The following KNTC1 variants were observed in gnomAD, a reference collection of about 807,000 sequenced individuals.
KNTC1 encodes kinetochore-associated protein 1.
KNTC1 carries 253 observed loss-of-function variants against 314.4 expected under a neutral mutation model. The observed-to-expected ratio is 0.80, with a 90% confidence interval of 0.73 to 0.89. The LOEUF is 0.89. Among genes scored for constraint, KNTC1 ranks in the 40% least tolerant of loss-of-function variants. The pLI is 0.00. For synonymous variants in KNTC1, 901 were observed against 901.4 expected (o/e 1.00, Z 0.01); for missense variants, 2,475 against 2,572.9 (o/e 0.96, Z 0.82).
At chr12:122,539,345 TG>T (rs1175425197) in intron 4 of KNTC1, among the ~76,000 whole-genome samples, 1 of 152,160 alleles carries the variant, frequency 6.6e-6, no homozygotes, top group African/African-American at 2.4e-5. Flanking sequence ...ATTAAAAAAA[TG>T]TTTTTTTGAA....
intron 43 of KNTC1, 27 bp downstream of exon 43, chr12:122,594,412 T>TTTGC: frequency 7.7e-7 from 1 of 1,290,324 alleles, no homozygotes; most frequent in Non-Finnish European, 1.1e-6. Context: ...TAACGGTATT[T>TTTGC]TTGCTGTTAA....
Position 122,613,134 on chromosome 12 carries a change from C to T in KNTC1, c.5645C>T (p.Thr1882Ile), listed in dbSNP as rs1387551839. The change falls in exon 54 of 64, where the codon ACT becomes ATT. Residue 1882 changes from threonine to isoleucine, a missense_variant. Transcript: ENST00000333479. Reference sequence around the variant, plus strand: ...CAGACATTAGGTATGCATCAGTTAACTTTTGCCCATAGAACTCGAGCTCTT... The same window carrying T: ...CAGACATTAGGTATGCATCAGTTAATTTTTGCCCATAGAACTCGAGCTCTT... ...TTTTLGMHQL[T>I]FAHRTRALQC... The T allele has an allele frequency of 6.2e-7, 1 of 1,612,570 alleles. No individual in the cohort carries two copies. The highest frequency in any genetic ancestry group is 8.5e-7 in the Non-Finnish European group (1 of 1,178,822).
In KNTC1 at chr12:122,551,330, C is replaced by T; in HGVS notation, c.1098C>T (p.Tyr366=). The change falls in exon 14 of 64, where the codon TAC becomes TAT. Residue 366 remains tyrosine (Y), a synonymous_variant. Coordinates refer to ENST00000333479, the MANE Select transcript of KNTC1 (RefSeq NM_014708.6). Reference sequence around the variant, plus strand: ...TTTTGTTATTGTAGGATACCATATACCTTTTAGAAGGAGTTTGCAAAAATG... The same window carrying T: ...TTTTGTTATTGTAGGATACCATATATCTTTTAGAAGGAGTTTGCAAAAATG... ...VQTGISTDTI[Y]LLEGVCKNDP... 2 of 1,576,584 alleles carry T rather than the reference C, an allele frequency of 1.3e-6. No homozygotes were observed. The highest frequency in any genetic ancestry group is 1.7e-6 in the Non-Finnish European group (2 of 1,151,176).
intron 57 of KNTC1, among the ~76,000 whole-genome samples, chr12:122,617,779 TATAAACTATAA>T (rs1873927444): frequency 6.6e-6 from 1 of 152,248 alleles, no homozygotes; most frequent in African/African-American, 2.4e-5. Flanking sequence ...TCATCTGGAA[TATAAACTATAA>T]ATGTACAGTT....
Position 122,547,916 on chromosome 12 carries a change from C to T in KNTC1, c.934C>T (p.Gln312Ter). ...EADSPSSVTW[Q>*]GITNLKLIAL... ...TTTAAAGGTTCTTTTCTCTTTTAGG[C>T]AAGGAATTACAAATCTCAAATTAAT... Residue 312 changes from glutamine to a stop codon, truncating the protein, a stop_gained and splice_region_variant, in exon 12 of 64, where the codon CAA (glutamine) becomes TAA (stop). Transcript: ENST00000333479. LOFTEE classifies it high-confidence loss of function. 1 of 1,521,278 alleles carries T rather than the reference C, an allele frequency of 6.6e-7. No homozygotes were observed. Among genetic ancestry groups the T allele is most frequent in the Non-Finnish European group, 8.8e-7 (1 of 1,132,186 alleles). The allele number at this position is 1,521,278 out of a possible 1,614,324, so 94.2% of individuals were successfully genotyped here.
In KNTC1 at chr12:122,554,076, AAT is replaced by A. The variant is rs60404988; in HGVS notation, c.1272+2403_1272+2404del. Among the ~76,000 whole-genome samples the A allele has an allele frequency of 4.7e-3, 516 of 109,036 alleles. 11 individuals carry two copies. Among genetic ancestry groups the A allele is most frequent in the African/African-American group, 0.019 (492 of 25,702 alleles). The allele number at this position is 109,036 out of a possible 152,430, so 71.5% of individuals were successfully genotyped here. A position where few individuals can be genotyped will look rare whatever the true frequency, so the allele number is the denominator to read the frequency against. On this transcript the variant is annotated intron_variant, in intron 16 of 63. Coordinates refer to ENST00000333479, the MANE Select transcript of KNTC1 (RefSeq NM_014708.6). ...CAGAATACTTCCTTAAAAAAAAAAA[AAT>A]ATATATATATATATATATATATTTG...
At chr12:122,569,607 A>T (rs1299451419) in intron 21 of KNTC1, 74 bp from the exon 22 acceptor site, 1 of 1,350,862 alleles carries the variant, frequency 7.4e-7, no homozygotes. Context: ...ACTTCCTAAA[A>T]TATCTTTGTC....
chr12:122,601,541 T>A lies in KNTC1; in HGVS notation c.4569T>A (p.Asp1523Glu). Reference sequence around the variant, plus strand: ...ATATTTTTGTTTTTATACAGTTGGATCCTTATGACTATGAAATGATTGAAG... The same window carrying A: ...ATATTTTTGTTTTTATACAGTTGGAACCTTATGACTATGAAATGATTGAAG... ...ISLSGILHKL[D>E]PYDYEMIEVV... The change falls in exon 45 of 64, where the codon GAT becomes GAA. Residue 1523 changes from aspartate (D) to glutamate (E), a missense_variant. By Grantham distance (45) the Asp-to-Glu change is conservative. Transcript: ENST00000333479. 1 of 1,528,090 alleles carries A rather than the reference T, an allele frequency of 6.5e-7. No individual in the cohort carries two copies. Among genetic ancestry groups the A allele is most frequent in the Non-Finnish European group, 8.8e-7 (1 of 1,140,104 alleles). The allele number at this position is 1,528,090 out of a possible 1,614,324, so 94.7% of individuals were successfully genotyped here.
chr12:122,544,847 A>G (rs1355818225), intron 8 of KNTC1, among the ~76,000 whole-genome samples: 1 of 152,230 alleles, frequency 6.6e-6, no homozygotes, highest in African/African-American at 2.4e-5. Context: ...TCTTGAAATA[A>G]TTCAGGTTAA....
chr12:122,584,891 A>C lies in KNTC1; in HGVS notation c.3437-2A>C. ...TAATGATTTTTCTCCATTTTGTTTCAGATTTTTTACTAGATGCTTTAGAAC... is the reference window on the plus strand; with the variant it reads ...TAATGATTTTTCTCCATTTTGTTTCCGATTTTTTACTAGATGCTTTAGAAC... On this transcript the variant is annotated splice_acceptor_variant, in intron 35 of 63. Coordinates refer to ENST00000333479, the MANE Select transcript of KNTC1 (RefSeq NM_014708.6). LOFTEE classifies it high-confidence loss of function. 6.8e-7 allele frequency: 1 copy of C among 1,481,412 alleles called. No individual in the cohort carries two copies. The highest frequency in any genetic ancestry group is 9.4e-7 in the Non-Finnish European group (1 of 1,066,634). 91.8% of individuals were successfully genotyped at this position (1,481,412 alleles called of 1,614,324 possible).
At chr12:122,549,063 A>G (rs1402017247) in intron 12 of KNTC1, among the ~76,000 whole-genome samples, 2 of 152,246 alleles carry the variant, frequency 1.3e-5, no homozygotes, top group East Asian at 3.9e-4. Flanking sequence ...TTATTTATTT[A>G]TTTATTTAGA....
At chr12:122,600,005 C>T (rs761242663) in intron 44 of KNTC1, among the ~76,000 whole-genome samples, 5 of 151,914 alleles carry the variant, frequency 3.3e-5, no homozygotes, top group African/African-American at 4.8e-5. Context: ...GGTGACAGAG[C>T]GAGACTCTGT....
At chr12:122,539,181 G>A (rs989863990) in intron 4 of KNTC1, among the ~76,000 whole-genome samples, 1 of 152,174 alleles carries the variant, frequency 6.6e-6, no homozygotes, top group Non-Finnish European at 1.5e-5. Context: ...TCAGGAGCAG[G>A]CAGCTTTCTG....
Position 122,579,962 on chromosome 12 carries a change from T to A in KNTC1, c.2899T>A (p.Cys967Ser), listed in dbSNP as rs762808770. The change falls in exon 32 of 64, where the codon TGT (cysteine) becomes AGT (serine). Residue 967 changes from cysteine (C) to serine (S), a missense_variant. Coordinates refer to ENST00000333479, the MANE Select transcript of KNTC1 (RefSeq NM_014708.6). ...KTSVDILKIL[C>S]DIQKDNLQKK... ...ATCCGTGGACATTCTTAAGATACTA[T>A]GTGACATTCAGAAAGGTAGCTTTTA... 2.5e-6 allele frequency: 4 copies of A among 1,606,694 alleles called. No homozygotes were observed. In the African/African-American group the frequency reaches 5.3e-5, roughly 21 times the overall value.
chr12:122,618,943 CG>C (rs1874095208), intron 59 of KNTC1, among the ~76,000 whole-genome samples: 1 of 150,180 alleles, frequency 6.7e-6, no homozygotes, highest in Non-Finnish European at 1.5e-5. Context: ...CCACCACGCC[CG>C]GCTATTATTT....
At chr12:122,551,112 T>C (rs1235926242) in intron 13 of KNTC1, among the ~76,000 whole-genome samples, 2 of 151,684 alleles carry the variant, frequency 1.3e-5, no homozygotes, top group African/African-American at 4.9e-5. Context: ...ATTTTGAGTC[T>C]ATGGGATTTA....
At chr12:122,594,246 T>C in intron 42 of KNTC1, 30 bp from the exon 43 acceptor site, 1 of 1,300,686 alleles carries the variant, frequency 7.7e-7, no homozygotes, top group Non-Finnish European at 1.1e-6. Flanking sequence ...AGAGGGTTTT[T>C]TTGCTTTGTT....
intron 22 of KNTC1, 76 bp downstream of exon 22, chr12:122,569,900 CGTTAACACCA>C (rs571794531): frequency 3.9e-5 from 52 of 1,337,666 alleles, no homozygotes; most frequent in African/African-American, 1.0e-4. Context: ...AATTAAGTCA[CGTTAACACCA>C]GTTAACACCA....
chr12:122,625,128 G>A (rs913194888), intron 63 of KNTC1, among the ~76,000 whole-genome samples: 1 of 152,082 alleles, frequency 6.6e-6, no homozygotes, highest in Non-Finnish European at 1.5e-5. Context: ...AGTATGGCTG[G>A]GCACGGTGGC....
Sources: allele counts gnomAD v4.1 joint callset (sites outside exome capture counted in the v4.1 genomes callset), GRCh38; gene constraint gnomAD v4.1.1; transcripts MANE v1.5; gene names NCBI Gene and HGNC (gene_info 2026-07-23, HGNC 2026-07-21).